The following AGBL1 variants were observed in gnomAD, a reference collection of about 807,000 sequenced individuals.
The protein encoded by AGBL1 is cytosolic carboxypeptidase 4.
In AGBL1, 130 loss-of-function variants were observed where a neutral mutation model predicts 118.9. The ratio of observed to expected loss-of-function variants is 1.09; its 90% confidence interval spans 0.95 to 1.26. The LOEUF (loss-of-function observed/expected upper bound fraction) is 1.26. Ranked by LOEUF, AGBL1 falls within the 50% of genes most tolerant of loss-of-function variation. AGBL1 has a pLI of 0.00. For synonymous variants in AGBL1, 555 were observed against 478.9 expected (o/e 1.16, Z -2.08); for missense variants, 1,584 against 1,298.1 (o/e 1.22, Z -3.38).
At chr15:86,931,228 G>T (rs185514947) in intron 23 of AGBL1, among the ~76,000 whole-genome samples, 1 of 152,052 alleles carries the variant, frequency 6.6e-6, no homozygotes, top group Non-Finnish European at 1.5e-5. Flanking sequence ...AAGATATTTC[G>T]CCTTTATAGG....
At chr15:86,480,917 T>A (rs2082642843) in intron 18 of AGBL1, among the ~76,000 whole-genome samples, 1 of 152,050 alleles carries the variant, frequency 6.6e-6, no homozygotes. Context: ...GTTTTGATCA[T>A]CATGCTAAGA....
At chr15:86,646,503 G>C (rs28614030) in intron 21 of AGBL1, among the ~76,000 whole-genome samples, 2,690 of 152,144 alleles carry the variant, frequency 0.018, 77 homozygotes, top group African/African-American at 0.061. Context: ...CTGGCTCCCT[G>C]CCTAACCTGA....
intron 21 of AGBL1, among the ~76,000 whole-genome samples, chr15:86,602,735 G>A (rs1168080790): frequency 6.6e-6 from 1 of 152,122 alleles, no homozygotes; most frequent in Admixed American, 6.6e-5. Flanking sequence ...CTTAACTAGG[G>A]AAACGTCTTT....
At chr15:86,256,824 G>C in intron 7 of AGBL1, 29 bp from the exon 8 acceptor site, 1 of 1,610,642 alleles carries the variant, frequency 6.2e-7, no homozygotes, top group East Asian at 2.2e-5. Flanking sequence ...CCAGATGTTG[G>C]CATCTGATAT....
chr15:86,433,241 T>TCTCCTCCTC (rs921701396), intron 18 of AGBL1, among the ~76,000 whole-genome samples: 2 of 142,180 alleles, frequency 1.4e-5, no homozygotes, highest in Non-Finnish European at 3.0e-5. Context: ...TCCTCCTCCT[T>TCTCCTCCTC]CTCCTCCTCC....
intron 24 of AGBL1, among the ~76,000 whole-genome samples, chr15:86,995,136 C>A (rs2141749360): frequency 6.6e-6 from 1 of 152,116 alleles, no homozygotes; most frequent in African/African-American, 2.4e-5. Flanking sequence ...ACCTGTAATC[C>A]CAGAATTTTG....
intron 22 of AGBL1, among the ~76,000 whole-genome samples, chr15:86,730,006 G>C (rs1391256766): frequency 1.3e-5 from 2 of 152,066 alleles, no homozygotes; most frequent in East Asian, 3.9e-4. Flanking sequence ...GTTTTGATTT[G>C]CATTTCTCTA....
intron 18 of AGBL1, among the ~76,000 whole-genome samples, chr15:86,519,383 G>A (rs1247975387): frequency 6.6e-6 from 1 of 152,162 alleles, no homozygotes; most frequent in African/African-American, 2.4e-5. Flanking sequence ...TCCCCCCATA[G>A]AAGGAGCAGC....
chr15:86,219,309 T>C (rs2141912372), intron 5 of AGBL1, among the ~76,000 whole-genome samples: 1 of 152,318 alleles, frequency 6.6e-6, no homozygotes, highest in East Asian at 1.9e-4. Context: ...ATTGTGGTTT[T>C]TGCCATTACT....
intron 5 of AGBL1, 90 bp from the exon 6 acceptor site, chr15:86,224,824 G>T (rs1428249789): frequency 3.3e-6 from 4 of 1,226,036 alleles, no homozygotes; most frequent in African/African-American, 3.0e-5. Flanking sequence ...GTCTGTTATG[G>T]GGTGGCAATG....
At chr15:86,566,917 A>C in intron 21 of AGBL1, among the ~76,000 whole-genome samples, 1 of 152,334 alleles carries the variant, frequency 6.6e-6, no homozygotes, top group East Asian at 1.9e-4. Flanking sequence ...ACCTTGAGAC[A>C]GTTCCTGACT....
In AGBL1 at chr15:86,602,653, C is replaced by G. The variant is rs143301234; in HGVS notation, c.2994+48116C>G. 1.4e-3 allele frequency among the ~76,000 whole-genome samples: 220 copies of G among 152,146 alleles called. 1 individual carries two copies. The South Asian group carries it at 0.019, about 13-fold the overall frequency. On this transcript the variant is annotated intron_variant, in intron 21 of 22. Transcript: ENST00000614907. Reference sequence around the variant, plus strand: ...CTAGTTAACAATAGGATTGTGAAATCATAATTATGATTTAGTGGAATGGGT... The same window carrying G: ...CTAGTTAACAATAGGATTGTGAAATGATAATTATGATTTAGTGGAATGGGT...
intron 22 of AGBL1, among the ~76,000 whole-genome samples, chr15:86,737,315 A>T (rs1352847849): frequency 6.6e-6 from 1 of 152,172 alleles, no homozygotes; most frequent in Non-Finnish European, 1.5e-5. Context: ...GAAACAGCTG[A>T]TGCAATTTCC....
intron 6 of AGBL1, among the ~76,000 whole-genome samples, chr15:86,237,054 G>T (rs1378136381): frequency 6.6e-6 from 1 of 151,100 alleles, no homozygotes; most frequent in Non-Finnish European, 1.5e-5. Context: ...GCCCACATTT[G>T]CATATCAAAG....
intron 21 of AGBL1, among the ~76,000 whole-genome samples, chr15:86,580,542 A>G (rs187679126): frequency 5.9e-5 from 9 of 152,194 alleles, no homozygotes; most frequent in Admixed American, 5.9e-4. Flanking sequence ...CTGTACATAC[A>G]TTTATGGATC....
intron 17 of AGBL1, among the ~76,000 whole-genome samples, chr15:86,355,351 G>A (rs1419215180): frequency 6.6e-6 from 1 of 152,112 alleles, no homozygotes; most frequent in African/African-American, 2.4e-5. Flanking sequence ...CATCGGTCAG[G>A]TATACATAGC....
intron 22 of AGBL1, among the ~76,000 whole-genome samples, chr15:86,791,991 C>T (rs1374388910): frequency 2.0e-5 from 3 of 152,132 alleles, no homozygotes; most frequent in Non-Finnish European, 2.9e-5. Flanking sequence ...CCACTTCGGC[C>T]TCCTAATGCT....
intron 22 of AGBL1, among the ~76,000 whole-genome samples, chr15:86,778,237 AG>A (rs2078286081): frequency 6.6e-6 from 1 of 152,158 alleles, no homozygotes; most frequent in Non-Finnish European, 1.5e-5. Context: ...AGGCAAATGG[AG>A]GCAGGGCGAG....
intron 17 of AGBL1, among the ~76,000 whole-genome samples, chr15:86,335,255 C>T (rs1044744185): frequency 6.6e-6 from 1 of 152,062 alleles, no homozygotes; most frequent in Non-Finnish European, 1.5e-5. Flanking sequence ...TCTCCTGCCT[C>T]AGCCTCCCGA....
Sources: gnomAD v4.1 joint callset for allele counts (sites outside exome capture counted in the v4.1 genomes callset) on GRCh38, gnomAD v4.1.1 for gene constraint, MANE v1.5 for transcripts, NCBI Gene and HGNC (gene_info 2026-07-23, HGNC 2026-07-21) for gene names.